Variants in DPP6 observed in about 807,000 individuals in gnomAD.
The protein encoded by DPP6 is dipeptidyl peptidase like 6.
Under a neutral mutation model 122.6 loss-of-function variants are expected in DPP6, and 69 were observed. The observed-to-expected ratio is 0.56, with a 90% CI of 0.46 to 0.69. The LOEUF (loss-of-function observed/expected upper bound fraction) is 0.69. DPP6 is among the 30% of genes least tolerant of loss of function. The pLI is 0.00. For synonymous variants in DPP6, 418 were observed against 433.1 expected (o/e 0.97, Z 0.43); for missense variants, 928 against 1,116.9 (o/e 0.83, Z 2.41).
chr7:154,277,881 G>T (rs937536237), intron 1 of DPP6, among the ~76,000 whole-genome samples: 1 of 152,126 alleles, frequency 6.6e-6, no homozygotes, highest in Non-Finnish European at 1.5e-5. Context: ...TGTGCAAATG[G>T]GTAGTGACCT....
chr7:154,157,889 C>T (rs995056179), intron 1 of DPP6, among the ~76,000 whole-genome samples: 9 of 151,468 alleles, frequency 5.9e-5, no homozygotes, highest in East Asian at 3.9e-4. Flanking sequence ...GCTGAGATTG[C>T]GCCATTGCAC....
intron 5 of DPP6, among the ~76,000 whole-genome samples, chr7:154,594,681 T>C (rs1185252049): frequency 6.6e-6 from 1 of 152,168 alleles, no homozygotes; most frequent in Non-Finnish European, 1.5e-5. Flanking sequence ...CAATGCCTTA[T>C]CTTGCTTTCC....
At chr7:154,407,445 A>G (rs987134497) in intron 1 of DPP6, among the ~76,000 whole-genome samples, 1 of 152,174 alleles carries the variant, frequency 6.6e-6, no homozygotes, top group Non-Finnish European at 1.5e-5. Context: ...TCTCACCACA[A>G]GAAGTTATAG....
At chr7:154,301,796 TTTTTTTTTTTTTTTTTTG>T (rs1797951263) in intron 1 of DPP6, among the ~76,000 whole-genome samples, 1 of 90,050 alleles carries the variant, frequency 1.1e-5, no homozygotes, top group African/African-American at 7.6e-5. Flanking sequence ...CTTTTTTTTT[TTTTTTTTTTTTTTTTTTG>T]TTGGAGACAG....
chr7:154,679,493 T>G (rs1247450405), intron 7 of DPP6, among the ~76,000 whole-genome samples: 1 of 152,128 alleles, frequency 6.6e-6, no homozygotes, highest in East Asian at 1.9e-4. Flanking sequence ...TGAGCAGAAA[T>G]GGGCCCGTCG....
chr7:154,551,701 A>G (rs1361872702), intron 4 of DPP6, among the ~76,000 whole-genome samples: 1 of 152,030 alleles, frequency 6.6e-6, no homozygotes, highest in Non-Finnish European at 1.5e-5. Flanking sequence ...TTTTGTTCCA[A>G]ATTCATACAT....
intron 1 of DPP6, among the ~76,000 whole-genome samples, chr7:154,243,613 C>T (rs112569908): frequency 0.01 from 1,549 of 151,880 alleles, 24 homozygotes; most frequent in African/African-American, 0.035. Context: ...GGCTAACACA[C>T]TGAAACCCCG....
At chr7:153,832,202 G>C in the DPP6 span, among the ~76,000 whole-genome samples, 3 of 152,174 alleles carry the variant, frequency 2.0e-5, no homozygotes, top group African/African-American at 4.8e-5. Flanking sequence ...ATAAAAACTA[G>C]CCTACTTTAG....
the DPP6 span, among the ~76,000 whole-genome samples, chr7:153,800,731 G>C: frequency 4.6e-5 from 7 of 152,040 alleles, no homozygotes; most frequent in African/African-American, 1.7e-4. Flanking sequence ...TGGCCAGGCT[G>C]GTCTTGAACT....
chr7:154,679,886 A>G (rs553886711), intron 7 of DPP6, among the ~76,000 whole-genome samples: 1 of 152,296 alleles, frequency 6.6e-6, no homozygotes, highest in Admixed American at 6.5e-5. Flanking sequence ...AGCACTACCA[A>G]AGGGACCCTT....
intron 1 of DPP6, among the ~76,000 whole-genome samples, chr7:153,943,998 G>C (rs1448543193): frequency 6.6e-6 from 1 of 152,134 alleles, no homozygotes; most frequent in Admixed American, 6.5e-5. Context: ...GCTGCTCCAC[G>C]GTTTCCCCAC....
intron 8 of DPP6, among the ~76,000 whole-genome samples, chr7:154,730,597 T>A (rs1036101791): frequency 6.6e-6 from 1 of 152,136 alleles, no homozygotes; most frequent in Non-Finnish European, 1.5e-5. Flanking sequence ...AAAAGATGTT[T>A]AAAAAAGAAA....
chr7:154,028,516 G>A (rs372913882), intron 1 of DPP6, among the ~76,000 whole-genome samples: 148 of 151,576 alleles, frequency 9.8e-4, no homozygotes, highest in East Asian at 5.4e-3. Context: ...CGATGTGCAC[G>A]CTGGTGCCTA....
chr7:154,797,966 T>C (rs1007319327), intron 12 of DPP6, among the ~76,000 whole-genome samples: 9 of 151,828 alleles, frequency 5.9e-5, no homozygotes, highest in African/African-American at 2.2e-4. Context: ...TTGGTGGGAG[T>C]GGGAGCCAGA....
chr7:153,947,578 C>T (rs1802008127), intron 1 of DPP6, among the ~76,000 whole-genome samples: 1 of 152,144 alleles, frequency 6.6e-6, no homozygotes, highest in African/African-American at 2.4e-5. Flanking sequence ...CAGTGGAGAC[C>T]TGAAGAGACA....
chr7:154,724,652 C>G (rs1419759488), intron 7 of DPP6, among the ~76,000 whole-genome samples: 1 of 152,118 alleles, frequency 6.6e-6, no homozygotes. Flanking sequence ...GGAGCTGGCT[C>G]CTGGCCTCCT....
At chr7:154,408,225 A>T (rs1169266646) in intron 1 of DPP6, among the ~76,000 whole-genome samples, 1 of 152,172 alleles carries the variant, frequency 6.6e-6, no homozygotes, top group Admixed American at 6.6e-5. Flanking sequence ...GAAAAATGGG[A>T]CACATTTATT....
the DPP6 span, among the ~76,000 whole-genome samples, chr7:153,787,053 G>A: frequency 1.4e-5 from 2 of 146,218 alleles, no homozygotes; most frequent in African/African-American, 5.0e-5. Flanking sequence ...CCGGGTTCAC[G>A]CCATTCTCCT....
intron 7 of DPP6, among the ~76,000 whole-genome samples, chr7:154,691,809 ACT>A (rs1032217696): frequency 5.3e-5 from 5 of 94,928 alleles, no homozygotes; most frequent in Non-Finnish European, 9.1e-5. Flanking sequence ...ACAGAGTGAG[ACT>A]CTGTCTCAAA....
Sources: gnomAD v4.1 joint callset for allele counts (sites outside exome capture counted in the v4.1 genomes callset) on GRCh38, gnomAD v4.1.1 for gene constraint, MANE v1.5 for transcripts, NCBI Gene and HGNC (gene_info 2026-07-23, HGNC 2026-07-21) for gene names.